ANKRD31: variants seen among roughly 807,000 people sequenced by gnomAD.
ANKRD31 encodes the protein ankyrin repeat domain 31, also known as ankyrin repeat domain-containing protein 31.
ANKRD31 carries 147 observed loss-of-function variants against 186.0 expected under a neutral mutation model. That is an observed-to-expected ratio of 0.79 (90% CI 0.69 to 0.91). ANKRD31 has a LOEUF of 0.91. Ranked by LOEUF, ANKRD31 falls within the 40% of genes least tolerant of loss-of-function variation. The pLI, the probability that ANKRD31 is intolerant of heterozygous loss-of-function variation, is 0.00. For missense variants in ANKRD31, 1,986 were observed against 2,148.8 expected (o/e 0.92, Z 1.50); for synonymous variants, 673 against 736.4 (o/e 0.91, Z 1.39).
intron 24 of ANKRD31, among the ~76,000 whole-genome samples, chr5:75,083,712 A>T (rs1409190946): frequency 6.6e-6 from 1 of 151,604 alleles, no homozygotes; most frequent in East Asian, 1.9e-4. Context: ...CTTGGGCAAC[A>T]AGGGCAAAAC....
intron 9 of ANKRD31, among the ~76,000 whole-genome samples, chr5:75,190,780 T>C (rs148076042): frequency 5.9e-5 from 9 of 152,236 alleles, no homozygotes; most frequent in South Asian, 4.1e-4. Flanking sequence ...CAATTCAATA[T>C]ACTTGGGGAC....
chr5:75,093,913 G>A (rs1035145611), intron 22 of ANKRD31, among the ~76,000 whole-genome samples: 1 of 152,140 alleles, frequency 6.6e-6, no homozygotes, highest in African/African-American at 2.4e-5. Flanking sequence ...GAATTCTTCA[G>A]GTTGAAAGCC....
intron 15 of ANKRD31, among the ~76,000 whole-genome samples, chr5:75,140,269 A>AAG (rs10552660): frequency 5.7e-5 from 2 of 35,180 alleles, no homozygotes; most frequent in East Asian, 6.4e-4. Context: ...GAAGGAAGGA[A>AAG]AGAGAGAGAG....
chr5:75,071,864 T>C (rs1744258424), intron 25 of ANKRD31, among the ~76,000 whole-genome samples: 1 of 152,160 alleles, frequency 6.6e-6, no homozygotes, highest in Non-Finnish European at 1.5e-5. Context: ...TTTGACACCA[T>C]GGCACTGGCA....
intron 10 of ANKRD31, among the ~76,000 whole-genome samples, chr5:75,185,256 G>A (rs1179892123): frequency 6.6e-6 from 1 of 152,060 alleles, no homozygotes; most frequent in Non-Finnish European, 1.5e-5. Context: ...TGGGTACAAA[G>A]TTGCAATTAG....
chr5:75,074,018 G>T (rs1324914381), intron 25 of ANKRD31, among the ~76,000 whole-genome samples: 2 of 152,084 alleles, frequency 1.3e-5, no homozygotes, highest in African/African-American at 4.8e-5. Flanking sequence ...TATTCTACAG[G>T]CATGGCAGTC....
chr5:75,147,015 G>T lies in ANKRD31; in HGVS notation c.2396C>A (p.Thr799Asn). 1 of 1,536,406 alleles carries T rather than the reference G, an allele frequency of 6.5e-7. No homozygotes were observed. The highest frequency in any genetic ancestry group is 8.7e-7 in the Non-Finnish European group (1 of 1,146,342). ...CTCTTTGGAAACTGAACAAGCCTCA[G>T]TACTGCTATCTAATCCATTTCTCAG... Reference protein sequence around the residue: ...SSLRNGLDSSTEACSVSKEKH... With the variant: ...SSLRNGLDSSNEACSVSKEKH... Residue 799 changes from threonine (T) to asparagine (N), a missense_variant, in exon 14 of 26, where the codon ACT becomes AAT. Thr to Asn is a moderately conservative substitution (Grantham distance 65). Coordinates refer to ENST00000506364, the MANE Select transcript of ANKRD31 (RefSeq NM_001372053.1).
intron 2 of ANKRD31, among the ~76,000 whole-genome samples, chr5:75,224,178 T>TATATATATATATATAC (rs1341100904): frequency 3.2e-5 from 4 of 124,430 alleles, no homozygotes; most frequent in Non-Finnish European, 6.5e-5. Context: ...TATATATATA[T>TATATATATATATATAC]ACACACATTT....
chr5:75,147,793 A>C (rs936992588), intron 13 of ANKRD31, among the ~76,000 whole-genome samples: 12 of 151,862 alleles, frequency 7.9e-5, no homozygotes, highest in African/African-American at 2.9e-4. Flanking sequence ...AATCTTATTA[A>C]ACATAATAAA....
chr5:75,098,048 G>A (rs1240811152), intron 22 of ANKRD31, among the ~76,000 whole-genome samples: 2 of 151,428 alleles, frequency 1.3e-5, no homozygotes, highest in African/African-American at 4.9e-5. Flanking sequence ...CTTTTGAGAC[G>A]CAGTCTCACT....
At chr5:75,136,870 T>C (rs1750624016) in intron 17 of ANKRD31, among the ~76,000 whole-genome samples, 1 of 152,184 alleles carries the variant, frequency 6.6e-6, no homozygotes, top group Non-Finnish European at 1.5e-5. Context: ...TGCAGGGACA[T>C]GGATGAATCT....
Position 75,104,926 on chromosome 5 carries a change from A to G in ANKRD31, c.4633T>C (p.Ser1545Pro), listed in dbSNP as rs1561425289. ...TGGCTGTAGTTCCAAGTTTCCAGAG[A>G]CAATTGTGTTTCCTGCATGCTTCCA... ...VSGSMQETQL[S>P]LETWNYSQNT... Residue 1545 changes from serine to proline, a missense_variant, in exon 22 of 26, where the codon TCT becomes CCT. Physicochemically the swap from Ser to Pro is moderately conservative, Grantham distance 74. Coordinates refer to ENST00000506364, the MANE Select transcript of ANKRD31 (RefSeq NM_001372053.1). 2 of 1,537,146 alleles carry G rather than the reference A, an allele frequency of 1.3e-6. No homozygotes were observed. The highest frequency in any genetic ancestry group is 1.7e-6 in the Non-Finnish European group (2 of 1,146,882).
intron 10 of ANKRD31, among the ~76,000 whole-genome samples, 167 bp downstream of exon 10, chr5:75,188,326 C>T (rs552553513): frequency 6.6e-6 from 1 of 152,260 alleles, no homozygotes; most frequent in South Asian, 2.1e-4. Flanking sequence ...TCACCCTGCC[C>T]TCTTCCCTGA....
chr5:75,092,169 A>G (rs1328180943), intron 22 of ANKRD31, among the ~76,000 whole-genome samples: 1 of 152,218 alleles, frequency 6.6e-6, no homozygotes, highest in Non-Finnish European at 1.5e-5. Flanking sequence ...GCAACAGAGC[A>G]TGAAGAAGTT....
In ANKRD31 at chr5:75,074,323, T is replaced by G. The variant is rs188496548; in HGVS notation, c.5648-5659A>C. On this transcript the variant is annotated intron_variant, in intron 25 of 25. Transcript: ENST00000506364. ...CACACTTGTTCTCATCATCTTAATCTTTTCTGCTCCTTCTCCTCTACTGCA... is the reference window on the plus strand; with the variant it reads ...CACACTTGTTCTCATCATCTTAATCGTTTCTGCTCCTTCTCCTCTACTGCA... Among the ~76,000 whole-genome samples the G allele has an allele frequency of 1.3e-3, 197 of 152,318 alleles. 2 individuals carry two copies. The highest frequency in any genetic ancestry group is 4.4e-3 in the African/African-American group (184 of 41,564).
chr5:75,084,656 A>T (rs1427481732), intron 23 of ANKRD31, among the ~76,000 whole-genome samples: 1 of 152,202 alleles, frequency 6.6e-6, no homozygotes, highest in East Asian at 1.9e-4. Flanking sequence ...AATATTTACT[A>T]TGTGACCTTT....
At chr5:75,168,039 TA>T (rs371522168) in intron 11 of ANKRD31, among the ~76,000 whole-genome samples, 448 of 152,090 alleles carry the variant, frequency 2.9e-3, no homozygotes, top group African/African-American at 0.01. Flanking sequence ...TCCTCTAAAC[TA>T]TATGCAAAAA....
Position 75,193,485 on chromosome 5 carries a change from C to T in ANKRD31, c.1124G>A (p.Ser375Asn). 6.5e-7 allele frequency: 1 copy of T among 1,537,250 alleles called. No individual in the cohort carries two copies. The highest frequency in any genetic ancestry group is 8.7e-7 in the Non-Finnish European group (1 of 1,146,766). The change falls in exon 8 of 26, where the codon AGC becomes AAC. Residue 375 changes from serine to asparagine, a missense_variant. Ser to Asn is a conservative substitution (Grantham distance 46). Transcript: ENST00000506364. ...CACACACGCAGTTTCCTGATCAGAGCTATTTGTCACTGAATTTGAATTTCT... is the reference window on the plus strand; with the variant it reads ...CACACACGCAGTTTCCTGATCAGAGTTATTTGTCACTGAATTTGAATTTCT... ...NKRNSNSVTN[S>N]SDQETACVLR...
chr5:75,074,911 T>C (rs537840302), intron 25 of ANKRD31, among the ~76,000 whole-genome samples: 1 of 152,204 alleles, frequency 6.6e-6, no homozygotes, highest in South Asian at 2.1e-4. Context: ...TCTTCCTTTT[T>C]AAAACTTGAA....
Sources: gnomAD v4.1 joint callset for allele counts (sites outside exome capture counted in the v4.1 genomes callset) on GRCh38, gnomAD v4.1.1 for gene constraint, MANE v1.5 for transcripts, NCBI Gene and HGNC (gene_info 2026-07-23, HGNC 2026-07-21) for gene names.